The following NLGN4X variants were observed in gnomAD, a reference collection of about 807,000 sequenced individuals.
The protein encoded by NLGN4X is neuroligin 4 X-linked, also known as neuroligin-4, X-linked.
In NLGN4X, 3 loss-of-function variants were observed where a neutral mutation model predicts 40.3. That is an observed-to-expected ratio of 0.07 (90% CI 0.03 to 0.19). The LOEUF is 0.19. Among genes scored for constraint, NLGN4X ranks in the 10% least tolerant of loss-of-function variants. NLGN4X has a pLI of 1.00. For missense variants in NLGN4X, 382 were observed against 708.3 expected, an observed-to-expected ratio of 0.54 and a Z score of 5.23; for synonymous variants, 270 against 306.8, an observed-to-expected ratio of 0.88 and a Z score of 1.25.
chrX:5,909,346 C>T, intron 3 of NLGN4X, 107 bp from the exon 4 acceptor site: 2 of 927,837 alleles, frequency 2.2e-6, no homozygotes, highest in Non-Finnish European at 3.1e-6. Flanking sequence ...TTCTCTCTCT[C>T]CTCAACTCTC....
At chrX:6,030,394 A>ATATGTGTGTGTGTGTGTGTG (rs2036823031) in intron 2 of NLGN4X, among the ~76,000 whole-genome samples, 1 of 100,118 alleles carries the variant, frequency 1.0e-5, no homozygotes, top group Admixed American at 1.1e-4. Context: ...GGATACAGAT[A>ATATGTGTGTGTGTGTGTGTG]TGTGTGTGTG....
At chrX:6,007,025 C>T (rs2036119295) in intron 3 of NLGN4X, among the ~76,000 whole-genome samples, 1 of 111,804 alleles carries the variant, frequency 8.9e-6, no homozygotes, top group Non-Finnish European at 1.9e-5. Flanking sequence ...CTATTCACAA[C>T]AGCAAAGTCA....
intron 2 of NLGN4X, among the ~76,000 whole-genome samples, chrX:6,040,934 T>C (rs1188256298): frequency 1.8e-5 from 2 of 110,587 alleles, no homozygotes; most frequent in Non-Finnish European, 3.8e-5. Context: ...ATTTTCATGA[T>C]CCCCCCCAAA....
At chrX:5,997,701 C>G (rs1480411250) in intron 3 of NLGN4X, among the ~76,000 whole-genome samples, 1 of 106,865 alleles carries the variant, frequency 9.4e-6, no homozygotes, top group African/African-American at 3.4e-5. Context: ...ACTGTTTGTA[C>G]AGTAACTCTT....
At chrX:6,219,172 T>C (rs1925382787) in intron 1 of NLGN4X, among the ~76,000 whole-genome samples, 1 of 100,500 alleles carries the variant, frequency 1.0e-5, no homozygotes, top group Non-Finnish European at 2.0e-5. Flanking sequence ...TATATATATA[T>C]ATACACACAC....
chrX:6,172,861 T>C (rs1320197317), intron 1 of NLGN4X, among the ~76,000 whole-genome samples: 1 of 112,060 alleles, frequency 8.9e-6, no homozygotes, highest in African/African-American at 3.2e-5. Context: ...GCCAGTTCAG[T>C]TTACCAAGAA....
At chrX:6,177,441 C>T (rs1920976475) in intron 1 of NLGN4X, among the ~76,000 whole-genome samples, 1 of 112,219 alleles carries the variant, frequency 8.9e-6, no homozygotes, top group Non-Finnish European at 1.9e-5. Context: ...GCTGGGATTA[C>T]AGGCGTGAGC....
Position 6,174,266 on chromosome X carries a change from A to T in NLGN4X, c.-305-22495T>A, listed in dbSNP as rs181563338. Among the ~76,000 whole-genome samples, 717 of 111,390 alleles carry T rather than the reference A, an allele frequency of 6.4e-3. 6 individuals are homozygous for T. Among genetic ancestry groups the T allele is most frequent in the African/African-American group, 0.012 (355 of 30,640 alleles). On this transcript the variant is annotated intron_variant, in intron 1 of 5. Coordinates refer to ENST00000381095, the MANE Select transcript of NLGN4X (RefSeq NM_181332.3). Reference sequence around the variant, plus strand: ...GGCCATCATTAAATAGTCAAAAAAAAAAATATATAACAGATGCCAGTGAGT... The same window carrying T: ...GGCCATCATTAAATAGTCAAAAAAATAAATATATAACAGATGCCAGTGAGT...
intron 3 of NLGN4X, among the ~76,000 whole-genome samples, chrX:5,948,541 C>T (rs192689487): frequency 1.3e-3 from 144 of 111,825 alleles, no homozygotes; most frequent in Non-Finnish European, 2.1e-3. Context: ...AGTTACTTCT[C>T]GTCCTGTAAG....
chrX:6,016,629 A>C (rs2036402905), intron 3 of NLGN4X, among the ~76,000 whole-genome samples: 1 of 112,049 alleles, frequency 8.9e-6, no homozygotes, highest in Non-Finnish European at 1.9e-5. Flanking sequence ...TCCCCAATCA[A>C]GAAAAATGAA....
chrX:5,990,753 C>T (rs771513520), intron 3 of NLGN4X, among the ~76,000 whole-genome samples: 1 of 111,079 alleles, frequency 9.0e-6, no homozygotes, highest in Non-Finnish European at 1.9e-5. Context: ...ATACAGTATG[C>T]TAAGTACGAT....
chrX:6,212,539 T>A (rs965867754), intron 1 of NLGN4X, among the ~76,000 whole-genome samples: 1 of 111,774 alleles, frequency 8.9e-6, no homozygotes, highest in Non-Finnish European at 1.9e-5. Context: ...TTCAACTTTA[T>A]ACCTCTTTAT....
chrX:6,122,144 T>G (rs746066053), intron 2 of NLGN4X, among the ~76,000 whole-genome samples: 4 of 112,213 alleles, frequency 3.6e-5, no homozygotes, highest in Non-Finnish European at 7.5e-5. Flanking sequence ...GTTTAGAAAT[T>G]AGAACTCGAG....
At chrX:6,078,899 T>C (rs2038272804) in intron 2 of NLGN4X, among the ~76,000 whole-genome samples, 1 of 110,901 alleles carries the variant, frequency 9.0e-6, no homozygotes, top group Admixed American at 9.6e-5. Flanking sequence ...TGAGGACAGT[T>C]CCCCCACGAT....
At chrX:6,043,357 G>A (rs764706013) in intron 2 of NLGN4X, among the ~76,000 whole-genome samples, 1 of 110,187 alleles carries the variant, frequency 9.1e-6, no homozygotes, top group Non-Finnish European at 1.9e-5. Context: ...ACACACATAC[G>A]TGTATTTGTA....
chrX:5,980,976 GTAGAT>G (rs1375041286), intron 3 of NLGN4X, among the ~76,000 whole-genome samples: 1 of 111,557 alleles, frequency 9.0e-6, no homozygotes, highest in African/African-American at 3.3e-5. Context: ...CAAAGAGTCT[GTAGAT>G]TAATTTGTAC....
At chrX:5,911,635 A>AT (rs2032480739) in intron 3 of NLGN4X, among the ~76,000 whole-genome samples, 2 of 111,878 alleles carry the variant, frequency 1.8e-5, no homozygotes, top group Admixed American at 1.9e-4. Flanking sequence ...AGGGATTATT[A>AT]TTTTTTTCTT....
At chrX:5,932,333 G>A (rs5961890) in intron 3 of NLGN4X, among the ~76,000 whole-genome samples, 5,111 of 111,499 alleles carry the variant, frequency 0.046, 297 homozygotes, top group African/African-American at 0.16. Context: ...CATCACATGC[G>A]TAATTACAAA....
chrX:5,952,215 A>G (rs183329391), intron 3 of NLGN4X, among the ~76,000 whole-genome samples: 113 of 111,553 alleles, frequency 1.0e-3, no homozygotes, highest in African/African-American at 3.5e-3. Flanking sequence ...ATCGGTGAGG[A>G]CTCTTGGAAG....
Sources: allele counts gnomAD v4.1 joint callset (sites outside exome capture counted in the v4.1 genomes callset), GRCh38; gene constraint gnomAD v4.1.1; transcripts MANE v1.5; gene names NCBI Gene and HGNC (gene_info 2026-07-23, HGNC 2026-07-21).